Variants in GLMN observed in about 807,000 individuals in gnomAD.
The protein encoded by GLMN is glomulin.
A neutral mutation model predicts 87.8 loss-of-function variants in GLMN; 75 were observed. The observed-to-expected ratio is 0.85, with a 90% CI of 0.71 to 1.04. The LOEUF (loss-of-function observed/expected upper bound fraction) is 1.04, where lower values mean the gene tolerates loss of function less well. GLMN is among the 50% of genes least tolerant of loss of function. The probability of loss-of-function intolerance (pLI) is 0.00; values close to 1 mark genes in which losing one functional copy is unlikely to be tolerated. For synonymous variants in GLMN, 206 were observed against 221.6 expected (o/e 0.93, Z 0.63); for missense variants, 588 against 658.8 (o/e 0.89, Z 1.18).
chr1:92,276,225 C>T (rs1302771104), intron 7 of GLMN, among the ~76,000 whole-genome samples: 1 of 151,528 alleles, frequency 6.6e-6, no homozygotes, highest in Non-Finnish European at 1.5e-5. Flanking sequence ...GACCCTATCT[C>T]AAAAAATATA....
chr1:92,327,904 C>T, the GLMN span, among the ~76,000 whole-genome samples: 3 of 152,282 alleles, frequency 2.0e-5, no homozygotes, highest in Middle Eastern at 3.4e-3. Flanking sequence ...ATCTTTCCTT[C>T]ATTTATGAAC....
the GLMN span, among the ~76,000 whole-genome samples, chr1:92,351,929 C>T: frequency 6.6e-6 from 1 of 152,060 alleles, no homozygotes; most frequent in African/African-American, 2.4e-5. Flanking sequence ...AGTCAAATGT[C>T]TCTTGGTGGC....
chr1:92,324,049 T>A, the GLMN span: 1 of 1,613,968 alleles, frequency 6.2e-7, no homozygotes, highest in Non-Finnish European at 8.5e-7. Flanking sequence ...TTTGATTGAG[T>A]GGAAGACAGA....
intron 8 of GLMN, among the ~76,000 whole-genome samples, chr1:92,270,826 T>C (rs917047545): frequency 2.6e-5 from 4 of 152,092 alleles, no homozygotes; most frequent in Non-Finnish European, 5.9e-5. Context: ...TTTAAGCATA[T>C]ACAAAGGCCA....
intron 16 of GLMN, among the ~76,000 whole-genome samples, chr1:92,252,742 T>C (rs1653690129): frequency 6.6e-6 from 1 of 152,206 alleles, no homozygotes; most frequent in Non-Finnish European, 1.5e-5. Context: ...AATCACATTT[T>C]AAGATTTCTT....
chr1:92,284,829 AAAG>A (rs1201160202), intron 7 of GLMN, among the ~76,000 whole-genome samples: 34 of 152,256 alleles, frequency 2.2e-4, no homozygotes, highest in Non-Finnish European at 1.3e-4. Context: ...ACACTTCTCA[AAAG>A]AAGACATTTA....
intron 16 of GLMN, among the ~76,000 whole-genome samples, chr1:92,257,353 C>T (rs1654408626): frequency 6.6e-6 from 1 of 152,202 alleles, no homozygotes; most frequent in South Asian, 2.1e-4. Context: ...ATGCTATCCC[C>T]ATCAAGCTAC....
intron 6 of GLMN, 23 bp from the exon 7 acceptor site, chr1:92,286,615 C>A (rs1648787152): frequency 1.8e-6 from 2 of 1,130,814 alleles, no homozygotes; most frequent in Admixed American, 1.7e-5. Flanking sequence ...AAATAGGTAA[C>A]TATGAAATCA....
intron 7 of GLMN, among the ~76,000 whole-genome samples, chr1:92,282,523 G>GA (rs1365493021): frequency 6.6e-6 from 1 of 152,130 alleles, no homozygotes; most frequent in Non-Finnish European, 1.5e-5. Context: ...AAGAAAGCAG[G>GA]AAAGAGCTAA....
chr1:92,370,381 A>G, the GLMN span, among the ~76,000 whole-genome samples: 1 of 152,194 alleles, frequency 6.6e-6, no homozygotes, highest in Non-Finnish European at 1.5e-5. Flanking sequence ...ATCTATAAGG[A>G]AAGATTAAAA....
At chr1:92,322,731 G>A in the GLMN span, among the ~76,000 whole-genome samples, 1 of 151,364 alleles carries the variant, frequency 6.6e-6, no homozygotes, top group Admixed American at 6.6e-5. Context: ...ACAAAAATTA[G>A]CCAGGCGTGG....
the GLMN span, chr1:92,333,515 A>G: frequency 1.5e-6 from 2 of 1,357,186 alleles, no homozygotes; most frequent in Non-Finnish European, 2.1e-6. Context: ...GTAGTTTTAA[A>G]TTAACTTGAC....
At chr1:92,292,936 T>C (rs1468713449) in intron 3 of GLMN, among the ~76,000 whole-genome samples, 1 of 151,564 alleles carries the variant, frequency 6.6e-6, no homozygotes, top group Non-Finnish European at 1.5e-5. Context: ...AGTGGGAGGA[T>C]GGCTTGAGCC....
At chr1:92,344,230 T>A in the GLMN span, among the ~76,000 whole-genome samples, 5 of 152,048 alleles carry the variant, frequency 3.3e-5, no homozygotes, top group Non-Finnish European at 7.4e-5. Context: ...GGCAACATAG[T>A]GAAAGCCCAC....
At chr1:92,359,637 C>T in the GLMN span, among the ~76,000 whole-genome samples, 1 of 152,194 alleles carries the variant, frequency 6.6e-6, no homozygotes, top group Admixed American at 6.5e-5. Context: ...TGGTTTTATA[C>T]CTGTTTTGCA....
At chr1:92,295,789 C>G (rs1649976657) in intron 3 of GLMN, among the ~76,000 whole-genome samples, 1 of 152,158 alleles carries the variant, frequency 6.6e-6, no homozygotes, top group Non-Finnish European at 1.5e-5. Flanking sequence ...CACCTACCTT[C>G]TGAGATTTTG....
intron 6 of GLMN, among the ~76,000 whole-genome samples, chr1:92,288,594 T>A (rs1170890365): frequency 2.0e-5 from 3 of 152,054 alleles, no homozygotes; most frequent in Non-Finnish European, 4.4e-5. Flanking sequence ...ATCTAGCTAA[T>A]TTTTAAATTT....
chr1:92,268,248 C>T (rs529413997), intron 9 of GLMN, 113 bp from the exon 10 acceptor site: 3 of 649,420 alleles, frequency 4.6e-6, no homozygotes, highest in Admixed American at 5.4e-5. Flanking sequence ...AAATGCATAT[C>T]ATTAAGGAGA....
the GLMN span, among the ~76,000 whole-genome samples, chr1:92,352,098 C>G: frequency 6.6e-6 from 1 of 152,162 alleles, no homozygotes; most frequent in Non-Finnish European, 1.5e-5. Flanking sequence ...TTGATGTTCT[C>G]TAATGGAAAG....
Sources: allele counts gnomAD v4.1 joint callset (sites outside exome capture counted in the v4.1 genomes callset), GRCh38; gene constraint gnomAD v4.1.1; transcripts MANE v1.5; gene names NCBI Gene and HGNC (gene_info 2026-07-23, HGNC 2026-07-21).